LINGO2: variants seen among roughly 807,000 people sequenced by gnomAD.
LINGO2 encodes leucine-rich repeat and immunoglobulin-like domain-containing nogo receptor-interacting protein 2.
Under a neutral mutation model 30.6 loss-of-function variants are expected in LINGO2, and 14 were observed. That is an observed-to-expected ratio of 0.46 (90% CI 0.30 to 0.72). The LOEUF is 0.72. LINGO2 is among the 30% of genes least tolerant of loss of function. The probability of loss-of-function intolerance (pLI) is 0.07; values close to 1 mark genes in which losing one functional copy is unlikely to be tolerated. For synonymous variants in LINGO2, 317 were observed against 288.5 expected (o/e 1.10, Z -1.00); for missense variants, 729 against 751.7 (o/e 0.97, Z 0.35).
intron 4 of LINGO2, among the ~76,000 whole-genome samples, chr9:28,104,271 T>G (rs1192285540): frequency 2.2e-4 from 32 of 146,760 alleles, no homozygotes; most frequent in African/African-American, 7.4e-4. Context: ...TGTTTGTTTT[T>G]TTTTTTTTTT....
rs533846578 is a variant in LINGO2 at position 28,223,248 on chromosome 9, C to G, written c.-87+71960G>C. Among the ~76,000 whole-genome samples, 5 of 152,300 alleles carry G rather than the reference C, an allele frequency of 3.3e-5. No individual in the cohort carries two copies. The South Asian group carries it at 1.0e-3, about 32-fold the overall frequency. ...GGAGGCTGAGAAGTCCAAGATCAAG[C>G]CTCCAGCAGGTTCAGTTGCCTGGTA... On this transcript the variant is annotated intron_variant, in intron 4 of 5. Transcript: ENST00000379992.
At chr9:29,158,236 G>A in the LINGO2 span, among the ~76,000 whole-genome samples, 1 of 151,680 alleles carries the variant, frequency 6.6e-6, no homozygotes, top group East Asian at 1.9e-4. Context: ...CATGCCTGTA[G>A]TCCCAGCTAC....
intron 1 of LINGO2, among the ~76,000 whole-genome samples, chr9:28,498,207 C>T (rs1268127798): frequency 6.6e-6 from 1 of 152,200 alleles, no homozygotes; most frequent in Non-Finnish European, 1.5e-5. Flanking sequence ...ACATTTAAGT[C>T]TGCAGAGGTT....
chr9:28,047,273 C>T (rs917198844), intron 4 of LINGO2, among the ~76,000 whole-genome samples: 1 of 152,108 alleles, frequency 6.6e-6, no homozygotes, highest in Non-Finnish European at 1.5e-5. Context: ...TTGGTCGGAG[C>T]TTGCCCTCCT....
intron 2 of LINGO2, among the ~76,000 whole-genome samples, chr9:28,463,207 A>G (rs916737130): frequency 2.0e-5 from 3 of 151,978 alleles, no homozygotes; most frequent in Admixed American, 1.3e-4. Flanking sequence ...CTAGATATGT[A>G]ACATCACGTA....
the LINGO2 span, among the ~76,000 whole-genome samples, chr9:28,758,509 A>T: frequency 6.6e-6 from 1 of 152,016 alleles, no homozygotes; most frequent in Non-Finnish European, 1.5e-5. Context: ...AAACCAATAC[A>T]GTGTGGTTTT....
At chr9:28,524,944 T>C (rs1176446948) in intron 1 of LINGO2, among the ~76,000 whole-genome samples, 1 of 152,174 alleles carries the variant, frequency 6.6e-6, no homozygotes, top group East Asian at 1.9e-4. Flanking sequence ...ATACTTAACA[T>C]GATTAGTCAA....
the LINGO2 span, among the ~76,000 whole-genome samples, chr9:28,759,554 C>T: frequency 6.6e-6 from 1 of 151,662 alleles, no homozygotes; most frequent in Non-Finnish European, 1.5e-5. Flanking sequence ...TGGTGACAGG[C>T]GCCTGCAGTC....
the LINGO2 span, among the ~76,000 whole-genome samples, chr9:29,004,146 T>A: frequency 6.6e-6 from 1 of 152,132 alleles, no homozygotes; most frequent in Admixed American, 6.6e-5. Context: ...AATTAATCCA[T>A]GAATATGTTA....
chr9:28,704,490 T>G, the LINGO2 span, among the ~76,000 whole-genome samples: 419 of 152,198 alleles, frequency 2.8e-3, 3 homozygotes, highest in African/African-American at 9.8e-3. Flanking sequence ...GAGGACATTC[T>G]GAGTCATATT....
At chr9:29,021,900 A>G in the LINGO2 span, among the ~76,000 whole-genome samples, 1 of 152,196 alleles carries the variant, frequency 6.6e-6, no homozygotes, top group Non-Finnish European at 1.5e-5. Flanking sequence ...TAAATAGATT[A>G]ACATAATACA....
chr9:28,400,747 A>G (rs1223393017), intron 2 of LINGO2, among the ~76,000 whole-genome samples: 1 of 152,224 alleles, frequency 6.6e-6, no homozygotes, highest in East Asian at 1.9e-4. Context: ...TTAAAGCTTA[A>G]TGCAGGTGCA....
intron 3 of LINGO2, among the ~76,000 whole-genome samples, chr9:28,305,136 T>C (rs931961191): frequency 6.6e-6 from 1 of 152,028 alleles, no homozygotes; most frequent in Non-Finnish European, 1.5e-5. Flanking sequence ...CATATGATCA[T>C]CTCAATTGAC....
chr9:29,081,630 G>A, the LINGO2 span, among the ~76,000 whole-genome samples: 2 of 152,100 alleles, frequency 1.3e-5, no homozygotes, highest in Admixed American at 1.3e-4. Context: ...TAGGAAAAGA[G>A]GAAGTCAAAT....
At chr9:28,354,597 T>A (rs1820084085) in intron 3 of LINGO2, among the ~76,000 whole-genome samples, 1 of 152,178 alleles carries the variant, frequency 6.6e-6, no homozygotes, top group African/African-American at 2.4e-5. Context: ...ATAAGTTTTT[T>A]AAACAATATT....
chr9:28,970,256 G>A, the LINGO2 span, among the ~76,000 whole-genome samples: 3 of 152,170 alleles, frequency 2.0e-5, no homozygotes, highest in Non-Finnish European at 4.4e-5. Flanking sequence ...TGGAAACCAA[G>A]TGAAGAAACT....
chr9:28,695,631 T>C, the LINGO2 span, among the ~76,000 whole-genome samples: 1 of 151,644 alleles, frequency 6.6e-6, no homozygotes, highest in Non-Finnish European at 1.5e-5. Flanking sequence ...TGTCAATAAG[T>C]GGGCAGTTAA....
intron 1 of LINGO2, among the ~76,000 whole-genome samples, chr9:28,663,222 G>T (rs1055573000): frequency 6.6e-6 from 1 of 152,142 alleles, no homozygotes; most frequent in Non-Finnish European, 1.5e-5. Context: ...CCAGGCTGGA[G>T]TGCAGTGGTG....
At chr9:28,574,894 T>C (rs1823879257) in intron 1 of LINGO2, among the ~76,000 whole-genome samples, 1 of 152,148 alleles carries the variant, frequency 6.6e-6, no homozygotes, top group Non-Finnish European at 1.5e-5. Context: ...TTAAACCCTG[T>C]TTTTCAAATT....
Sources: gnomAD v4.1 joint callset for allele counts (sites outside exome capture counted in the v4.1 genomes callset) on GRCh38, gnomAD v4.1.1 for gene constraint, MANE v1.5 for transcripts, NCBI Gene and HGNC (gene_info 2026-07-23, HGNC 2026-07-21) for gene names.